TTC28: variants seen among roughly 807,000 people sequenced by gnomAD.
The protein encoded by TTC28 is tetratricopeptide repeat protein 28.
A neutral mutation model predicts 198.0 loss-of-function variants in TTC28; 61 were observed. That is an observed-to-expected ratio of 0.31 (90% confidence interval 0.25 to 0.38). The LOEUF is 0.38. TTC28 is among the 10% of genes least tolerant of loss of function. TTC28 has a pLI of 1.00. For synonymous variants in TTC28, 1,171 were observed against 1,297.8 expected, an observed-to-expected ratio of 0.90 and a Z score of 2.10; for missense variants, 2,678 against 3,164.0, an observed-to-expected ratio of 0.85 and a Z score of 3.69.
chr22:28,244,903 T>G (rs1216087495), intron 5 of TTC28, among the ~76,000 whole-genome samples: 1 of 152,228 alleles, frequency 6.6e-6, no homozygotes, highest in Admixed American at 6.5e-5. Context: ...GAAAGTGATC[T>G]AGCTGGCCAT....
chr22:28,169,617 C>T (rs1279100669), intron 5 of TTC28, among the ~76,000 whole-genome samples: 1 of 151,968 alleles, frequency 6.6e-6, no homozygotes, highest in African/African-American at 2.4e-5. Flanking sequence ...GGGAACTGAA[C>T]AATCAGAACA....
chr22:28,193,106 C>A (rs959290394), intron 5 of TTC28, among the ~76,000 whole-genome samples: 1 of 152,212 alleles, frequency 6.6e-6, no homozygotes, highest in Non-Finnish European at 1.5e-5. Context: ...AGAAACTCTA[C>A]AAGCCAGAAA....
intron 2 of TTC28, among the ~76,000 whole-genome samples, chr22:28,470,177 A>G (rs1424798368): frequency 1.3e-5 from 2 of 152,186 alleles, no homozygotes; most frequent in Non-Finnish European, 2.9e-5. Flanking sequence ...TAAATTGTTT[A>G]AGCCATTAAC....
intron 2 of TTC28, among the ~76,000 whole-genome samples, chr22:28,377,657 G>C (rs540559568): frequency 2.6e-5 from 4 of 152,172 alleles, no homozygotes; most frequent in Admixed American, 6.5e-5. Flanking sequence ...TAGACCAAAG[G>C]CTACTCTGGT....
chr22:28,342,787 T>A (rs1249570904), intron 2 of TTC28, among the ~76,000 whole-genome samples: 3 of 152,188 alleles, frequency 2.0e-5, no homozygotes, highest in Non-Finnish European at 4.4e-5. Flanking sequence ...TCATAAGCTC[T>A]TGATCACATT....
chr22:28,069,616 A>G (rs138684), intron 12 of TTC28, among the ~76,000 whole-genome samples: 80,280 of 151,970 alleles, frequency 0.53, 21,533 homozygotes, highest in African/African-American at 0.6. Flanking sequence ...TGTCTGCCAC[A>G]GAAAACCAAA....
intron 2 of TTC28, among the ~76,000 whole-genome samples, chr22:28,407,472 G>A (rs919885432): frequency 8.7e-4 from 130 of 148,752 alleles, no homozygotes; most frequent in African/African-American, 2.3e-3. Flanking sequence ...ACATGCGTGC[G>A]CACACACACA....
intron 5 of TTC28, among the ~76,000 whole-genome samples, chr22:28,205,408 G>C (rs564595498): frequency 6.6e-6 from 1 of 152,110 alleles, no homozygotes; most frequent in South Asian, 2.1e-4. Context: ...AAAAGATCAT[G>C]GGCACCTGAA....
chr22:28,444,673 G>A lies in TTC28; in HGVS notation c.382-138030C>T, dbSNP rs934630489. Reference sequence around the variant, plus strand: ...TCATTTACTCAACCAAGACCACACAGGTAGAGCATAGTGGGGCTAGAATTC... The same window carrying A: ...TCATTTACTCAACCAAGACCACACAAGTAGAGCATAGTGGGGCTAGAATTC... On this transcript the variant is annotated intron_variant, in intron 2 of 22. Transcript: ENST00000397906. 2.8e-4 allele frequency among the ~76,000 whole-genome samples: 43 copies of A among 152,084 alleles called. 1 individual carries two copies. Among genetic ancestry groups the A allele is most frequent in the Non-Finnish European group, 8.8e-5 (6 of 68,020 alleles).
At chr22:28,082,619 C>G (rs1434861210) in intron 12 of TTC28, among the ~76,000 whole-genome samples, 1 of 152,146 alleles carries the variant, frequency 6.6e-6, no homozygotes, top group Non-Finnish European at 1.5e-5. Context: ...GGTGCAGAAT[C>G]CTTTTAATGT....
At chr22:28,222,686 C>A (rs1927979312) in intron 5 of TTC28, among the ~76,000 whole-genome samples, 1 of 152,198 alleles carries the variant, frequency 6.6e-6, no homozygotes, top group African/African-American at 2.4e-5. Flanking sequence ...TCATCATCCT[C>A]AGACATGCAC....
At chr22:28,535,143 T>TA (rs35064788) in intron 2 of TTC28, among the ~76,000 whole-genome samples, 1,705 of 152,052 alleles carry the variant, frequency 0.011, 34 homozygotes, top group African/African-American at 0.038. Flanking sequence ...CAAGTATATT[T>TA]AAAAAAAAGG....
chr22:28,147,833 T>A (rs567517040), intron 6 of TTC28, among the ~76,000 whole-genome samples: 9 of 152,350 alleles, frequency 5.9e-5, no homozygotes, highest in African/African-American at 2.2e-4. Flanking sequence ...CCACTTCAAA[T>A]GTGTGCTGGA....
chr22:28,529,612 G>C (rs2049087454), intron 2 of TTC28, among the ~76,000 whole-genome samples: 1 of 152,188 alleles, frequency 6.6e-6, no homozygotes, highest in African/African-American at 2.4e-5. Context: ...TGCCTCAAGT[G>C]GGTTCCTAAC....
intron 2 of TTC28, among the ~76,000 whole-genome samples, chr22:28,528,473 T>C (rs538911034): frequency 6.6e-6 from 1 of 151,926 alleles, no homozygotes; most frequent in African/African-American, 2.4e-5. Context: ...CTCATGGCTA[T>C]AATCCCAGAA....
chr22:28,349,782 G>C (rs1401758088), intron 2 of TTC28, among the ~76,000 whole-genome samples: 1 of 151,998 alleles, frequency 6.6e-6, no homozygotes, highest in Non-Finnish European at 1.5e-5. Context: ...TATGTATTGG[G>C]GCAAAATATA....
At chr22:28,416,630 G>C (rs2047171311) in intron 2 of TTC28, among the ~76,000 whole-genome samples, 1 of 150,200 alleles carries the variant, frequency 6.7e-6, no homozygotes, top group Non-Finnish European at 1.5e-5. Context: ...TGACCCATTA[G>C]GGTGAGCTCC....
intron 5 of TTC28, among the ~76,000 whole-genome samples, chr22:28,215,184 T>A (rs1024146272): frequency 1.3e-5 from 2 of 152,086 alleles, no homozygotes; most frequent in African/African-American, 4.8e-5. Flanking sequence ...CTAATGTAAA[T>A]GACGAGTTAA....
intron 2 of TTC28, among the ~76,000 whole-genome samples, chr22:28,544,671 A>T (rs1465051111): frequency 1.3e-5 from 2 of 152,204 alleles, no homozygotes; most frequent in Non-Finnish European, 2.9e-5. Flanking sequence ...AGGATGTGAT[A>T]AAGAAGCCAG....
Sources: allele counts gnomAD v4.1 joint callset (sites outside exome capture counted in the v4.1 genomes callset), GRCh38; gene constraint gnomAD v4.1.1; transcripts MANE v1.5; gene names NCBI Gene and HGNC (gene_info 2026-07-23, HGNC 2026-07-21).